Variants in CEP43 observed in about 807,000 individuals in gnomAD.
CEP43 encodes FGFR1 oncogene partner.
CEP43 carries 36 observed loss-of-function variants against 52.6 expected under a neutral mutation model. The ratio of observed to expected loss-of-function variants is 0.68; its 90% CI spans 0.52 to 0.90. CEP43 has a LOEUF of 0.90. Ranked by LOEUF, CEP43 falls within the 40% of genes least tolerant of loss-of-function variation. The pLI is 0.00. For missense variants in CEP43, 506 were observed against 472.8 expected (o/e 1.07, Z -0.65); for synonymous variants, 192 against 172.4 (o/e 1.11, Z -0.89).
chr6:167,032,743 T>A, intron 11 of CEP43, 101 bp downstream of exon 11: 1 of 1,065,692 alleles, frequency 9.4e-7, no homozygotes, highest in Non-Finnish European at 1.3e-6. Context: ...TATTTTAATG[T>A]ATTTGATTCT....
chr6:167,037,957 A>G (rs755468999), intron 12 of CEP43, among the ~76,000 whole-genome samples: 5 of 152,174 alleles, frequency 3.3e-5, no homozygotes, highest in South Asian at 2.1e-4. Flanking sequence ...TGCCACAACA[A>G]TGAGTCTAGG....
intron 10 of CEP43, chr6:167,028,357 A>C (rs1201355976): frequency 7.1e-6 from 7 of 985,058 alleles, no homozygotes; most frequent in Non-Finnish European, 8.4e-6. Context: ...GTGCTCCTTC[A>C]CTTCACTTTG....
chr6:167,030,766 T>C (rs9457258), intron 10 of CEP43, among the ~76,000 whole-genome samples: 64,579 of 151,960 alleles, frequency 0.42, 13,929 homozygotes, highest in Non-Finnish European at 0.47. Context: ...CCTGTACACA[T>C]ATTTCTTCTG....
At position 167,009,246 on chromosome 6, in the gene CEP43, G is replaced by A. The variant is rs547976083; in HGVS notation, c.439-1567G>A. 6.6e-5 allele frequency among the ~76,000 whole-genome samples: 10 copies of A among 151,892 alleles called. No homozygotes were observed. In the South Asian group the frequency reaches 1.7e-3, roughly 25 times the overall value. On this transcript the variant is annotated intron_variant, in intron 5 of 12. Transcript: ENST00000366847. ...ATCTCTACCAAAATACAAAAAATTG[G>A]CCAGGTGCGGTGGCTCAAACCTGTA...
At chr6:167,006,049 C>T (rs572760802) in intron 5 of CEP43, among the ~76,000 whole-genome samples, 92 of 152,310 alleles carry the variant, frequency 6.0e-4, no homozygotes, top group African/African-American at 2.0e-3. Flanking sequence ...ACTCAGCCTC[C>T]GTGTGCCCAG....
At chr6:167,008,889 G>C (rs548797742) in intron 5 of CEP43, among the ~76,000 whole-genome samples, 9 of 152,298 alleles carry the variant, frequency 5.9e-5, no homozygotes, top group South Asian at 4.1e-4. Flanking sequence ...GGAGAAGTTA[G>C]CAGACTAGAA....
chr6:167,032,494 C>G, intron 10 of CEP43, 109 bp from the exon 11 acceptor site: 3 of 974,208 alleles, frequency 3.1e-6, no homozygotes, highest in South Asian at 5.0e-5. Context: ...TAGTCTGGGA[C>G]TTTTTAAATG....
In CEP43 at chr6:167,040,196, C is replaced by T; in HGVS notation, c.*218C>T. On this transcript the variant is annotated 3_prime_UTR_variant, in exon 13 of 13. Coordinates refer to ENST00000366847, the MANE Select transcript of CEP43 (RefSeq NM_007045.4). ...GGAAGATTTAATATTCTTAATTTAA[C>T]TGTACATTTCTTTATGGAAATTGAT... 6.6e-7 allele frequency: 1 copy of T among 1,526,230 alleles called. No individual in the cohort carries two copies. The highest frequency in any genetic ancestry group is 2.4e-5 in the East Asian group (1 of 41,002). The allele number at this position is 1,526,230 out of a possible 1,614,324, so 94.5% of individuals were successfully genotyped here. A position where few individuals can be genotyped will look rare whatever the true frequency, so the allele number is the denominator to read the frequency against.
chr6:167,000,037 C>G, intron 1 of CEP43, 23 bp from the exon 2 acceptor site: 1 of 1,592,370 alleles, frequency 6.3e-7, no homozygotes, highest in South Asian at 1.1e-5. Context: ...TTATAATTTC[C>G]TGTTTCTTAA....
intron 10 of CEP43, chr6:167,028,174 G>A: frequency 2.0e-6 from 2 of 985,402 alleles, no homozygotes; most frequent in Non-Finnish European, 2.4e-6. Context: ...CTTTTGTGGT[G>A]TTTCACTCTG....
At position 167,047,471 on chromosome 6, in the gene CEP43, G is replaced by C. The variant is rs1161160823; in HGVS notation, c.*7493G>C. 6.6e-6 allele frequency: 1 copy of C among 152,074 alleles called. No individual in the cohort carries two copies. Among genetic ancestry groups the C allele is most frequent in the Non-Finnish European group, 1.5e-5 (1 of 68,010 alleles). 9.4% of individuals were successfully genotyped at this position (152,074 alleles called of 1,614,324 possible). A position where few individuals can be genotyped will look rare whatever the true frequency, so the allele number is the denominator to read the frequency against. ...ATTAAATACTTCCTTCCCTTACAGG[G>C]CTGCCCTGGTCTTAAGTAATGCCCA... On this transcript the variant is annotated 3_prime_UTR_variant, in exon 13 of 13. Coordinates refer to ENST00000366847, the MANE Select transcript of CEP43 (RefSeq NM_007045.4).
At chr6:167,006,782 C>A (rs189149741) in intron 5 of CEP43, among the ~76,000 whole-genome samples, 6 of 152,306 alleles carry the variant, frequency 3.9e-5, no homozygotes, top group African/African-American at 1.4e-4. Context: ...ATGGATGACT[C>A]TTTAAGTTCA....
chr6:167,035,128 G>A (rs572779594), intron 12 of CEP43, among the ~76,000 whole-genome samples: 17 of 152,330 alleles, frequency 1.1e-4, no homozygotes, highest in Admixed American at 1.1e-3. Context: ...TCTGGGCTTT[G>A]TTAGACTGCT....
intron 11 of CEP43, among the ~76,000 whole-genome samples, chr6:167,033,331 G>A (rs934641561): frequency 1.3e-5 from 2 of 151,738 alleles, no homozygotes; most frequent in African/African-American, 4.8e-5. Flanking sequence ...GGCTGGTCTC[G>A]AACTCCTGAC....
chr6:167,050,774 C>CGAAAAAAAAAAAAAAAAAA lies in CEP43; in HGVS notation c.*10796_*10797insGAAAAAAAAAAAAAAAAAA, dbSNP rs199893388. The stretch of plus-strand genomic sequence containing the variant: ...CCAGTCTGGGTGACAGAGTGAGACT[C>CGAAAAAAAAAAAAAAAAAA]AAAAAAGAAAAAAAAAAAAAAAAAA... On this transcript the variant is annotated 3_prime_UTR_variant, in exon 13 of 13. Coordinates refer to ENST00000366847, the MANE Select transcript of CEP43 (RefSeq NM_007045.4). 2.4e-5 allele frequency: 1 copy of CGAAAAAAAAAAAAAAAAAA among 41,168 alleles called. No individual in the cohort carries two copies. The highest frequency in any genetic ancestry group is 1.1e-4 in the African/African-American group (1 of 9,076). 2.6% of individuals were successfully genotyped at this position (41,168 alleles called of 1,614,324 possible).
intron 5 of CEP43, among the ~76,000 whole-genome samples, chr6:167,009,437 G>A (rs920716191): frequency 7.0e-6 from 1 of 143,534 alleles, no homozygotes; most frequent in African/African-American, 2.6e-5. Context: ...TTGAACCCGG[G>A]AGGTGGAGGT....
At chr6:167,036,845 TTGC>T in intron 12 of CEP43, 1 of 855,920 alleles carries the variant, frequency 1.2e-6, no homozygotes, top group Non-Finnish European at 1.4e-6. Context: ...TCTCACTCTG[TTGC>T]CTAGGCTGGA....
chr6:167,034,183 G>A (rs1012032858), intron 12 of CEP43, among the ~76,000 whole-genome samples: 16 of 152,148 alleles, frequency 1.1e-4, no homozygotes, highest in African/African-American at 3.1e-4. Context: ...TGCAAGTCTC[G>A]CTGCTGAAAT....
rs1432691975 is a variant in CEP43 at position 167,051,108 on chromosome 6, C to T, written c.*11130C>T. The T allele has an allele frequency of 6.6e-6, 1 of 152,048 alleles. No individual in the cohort carries two copies. Among genetic ancestry groups the T allele is most frequent in the Non-Finnish European group, 1.5e-5 (1 of 68,018 alleles). 9.4% of individuals were successfully genotyped at this position (152,048 alleles called of 1,614,324 possible). A position where few individuals can be genotyped will look rare whatever the true frequency, so the allele number is the denominator to read the frequency against. ...CAGAGGACCAGTTGAGCCAAGAATT[C>T]AAGAGGTACAGGTTCAAGTAGGGCC... On this transcript the variant is annotated 3_prime_UTR_variant, in exon 13 of 13. Transcript: ENST00000366847.
Sources: gnomAD v4.1 joint callset for allele counts (sites outside exome capture counted in the v4.1 genomes callset) on GRCh38, gnomAD v4.1.1 for gene constraint, MANE v1.5 for transcripts, NCBI Gene and HGNC (gene_info 2026-07-23, HGNC 2026-07-21) for gene names.